ITPKB: variants seen among roughly 807,000 people sequenced by gnomAD.
ITPKB encodes inositol-trisphosphate 3-kinase B, also known as IP3 3-kinase B.
A neutral mutation model predicts 69.4 loss-of-function variants in ITPKB; 13 were observed. The observed-to-expected ratio is 0.19, with a 90% CI of 0.12 to 0.30. The LOEUF is 0.30. ITPKB is among the 10% of genes least tolerant of loss of function. ITPKB has a pLI of 1.00. For missense variants in ITPKB, 1,240 were observed against 1,250.5 expected (o/e 0.99, Z 0.13); for synonymous variants, 584 against 513.7 (o/e 1.14, Z -1.85).
At position 226,672,151 on chromosome 1, in the gene ITPKB, T is replaced by C. The variant is rs578003973; in HGVS notation, c.1933-23380A>G. ...AAACTCTCCATTTTAGACTGAGAAA[T>C]AAAAATTTTTTATCTGAGAATCCAA... On this transcript the variant is annotated intron_variant, in intron 2 of 7. Coordinates refer to ENST00000429204, the MANE Select transcript of ITPKB (RefSeq NM_002221.4). Among the ~76,000 whole-genome samples, 256 of 152,154 alleles carry C rather than the reference T, an allele frequency of 1.7e-3. 2 individuals carry two copies. The highest frequency in any genetic ancestry group is 6.0e-3 in the African/African-American group (249 of 41,500).
At chr1:226,665,249 G>A (rs1669475139) in intron 2 of ITPKB, among the ~76,000 whole-genome samples, 3 of 152,152 alleles carry the variant, frequency 2.0e-5, no homozygotes, top group South Asian at 2.1e-4. Flanking sequence ...TCACCTGCCC[G>A]GCCCCTGGTG....
chr1:226,672,796 A>G (rs528841042), intron 2 of ITPKB, among the ~76,000 whole-genome samples: 2 of 152,338 alleles, frequency 1.3e-5, no homozygotes, highest in Middle Eastern at 3.4e-3. Context: ...AGGTGTTATC[A>G]CTACATAAAT....
intron 2 of ITPKB, among the ~76,000 whole-genome samples, chr1:226,680,498 G>T (rs1656056463): frequency 6.6e-6 from 1 of 152,190 alleles, no homozygotes; most frequent in Non-Finnish European, 1.5e-5. Flanking sequence ...GGGACCAGCT[G>T]GTGAACCGAT....
chr1:226,671,738 A>C (rs930787011), intron 2 of ITPKB, among the ~76,000 whole-genome samples: 40 of 152,228 alleles, frequency 2.6e-4, no homozygotes, highest in Non-Finnish European at 4.4e-4. Context: ...AGCCATACAC[A>C]GGCAGAGGGT....
intron 2 of ITPKB, among the ~76,000 whole-genome samples, chr1:226,665,150 C>A (rs1340376098): frequency 6.6e-6 from 1 of 152,222 alleles, no homozygotes; most frequent in Admixed American, 6.5e-5. Context: ...GGCCTGTAAT[C>A]CCGGACAGCG....
chr1:226,732,346 C>T (rs150098755), intron 2 of ITPKB, among the ~76,000 whole-genome samples: 37 of 152,284 alleles, frequency 2.4e-4, no homozygotes, highest in African/African-American at 8.4e-4. Flanking sequence ...TCAAGCAATT[C>T]TCCTGCCTTA....
intron 2 of ITPKB, among the ~76,000 whole-genome samples, chr1:226,717,255 G>C (rs891210557): frequency 1.3e-5 from 2 of 152,140 alleles, no homozygotes; most frequent in East Asian, 1.9e-4. Context: ...CAAGGACATG[G>C]GCAAGTGGCC....
intron 2 of ITPKB, among the ~76,000 whole-genome samples, chr1:226,733,496 G>A (rs932442787): frequency 2.6e-5 from 4 of 152,058 alleles, no homozygotes; most frequent in African/African-American, 4.8e-5. Flanking sequence ...TTTGCTTATC[G>A]TGCAAGCACT....
At position 226,705,510 on chromosome 1, in the gene ITPKB, CAA is replaced by C. The variant is rs749098296; in HGVS notation, c.1932+30015_1932+30016del. On this transcript the variant is annotated intron_variant, in intron 2 of 7. Transcript: ENST00000429204. ...CACCATTGCATTCCAGCCTGGGCAA[CAA>C]GAGCAAAACGCCATCTCAAAAAAAA... is the stretch of plus-strand genomic sequence containing the variant. 1.9e-4 allele frequency among the ~76,000 whole-genome samples: 26 copies of C among 134,808 alleles called. 1 individual carries two copies. Among genetic ancestry groups the C allele is most frequent in the Middle Eastern group, 4.5e-3 (1 of 220 alleles). 88.4% of individuals were successfully genotyped at this position (134,808 alleles called of 152,430 possible). A position where few individuals can be genotyped will look rare whatever the true frequency, so the allele number is the denominator to read the frequency against.
Position 226,642,004 on chromosome 1 carries a change from C to A in ITPKB, c.2368G>T (p.Ala790Ser). 3.7e-6 allele frequency: 6 copies of A among 1,614,232 alleles called. No homozygotes were observed. The highest frequency in any genetic ancestry group is 5.1e-6 in the Non-Finnish European group (6 of 1,180,050). The change falls in exon 5 of 8, where the codon GCT becomes TCT. Residue 790 changes from alanine (A) to serine (S), a missense_variant. By Grantham distance (99) the Ala-to-Ser change is moderately conservative. Around this residue, in one of 2 missense-constraint regions of ITPKB, gnomAD observed 248 missense variants for 396.7 expected, o/e 0.63. Coordinates refer to ENST00000429204, the MANE Select transcript of ITPKB (RefSeq NM_002221.4). This position sits in a 1 kb window ranked among gnomAD's most constrained non-coding sequence, Gnocchi z 6.4. Reference sequence around the variant, plus strand: ...TGCATGTACCGTGGCTTGGTCACAGCCCGCTGTGCTTTTTCCTCCTCGGTG... The same window carrying A: ...TGCATGTACCGTGGCTTGGTCACAGACCGCTGTGCTTTTTCCTCCTCGGTG... ...APTEEEKAQRAVTKPRYMQWR... is the reference protein window; with the variant it reads ...APTEEEKAQRSVTKPRYMQWR...
chr1:226,635,437 G>C (rs891638683), intron 7 of ITPKB, among the ~76,000 whole-genome samples: 1 of 152,110 alleles, frequency 6.6e-6, no homozygotes, highest in Non-Finnish European at 1.5e-5. Context: ...TGTTACCCAG[G>C]CTGGTCCCAA....
chr1:226,668,873 T>G (rs1669555742), intron 2 of ITPKB: 1 of 152,214 alleles, frequency 6.6e-6, no homozygotes, highest in Admixed American at 6.5e-5. Flanking sequence ...AACTATAGTT[T>G]TTATTCATTA....
At chr1:226,727,660 G>A (rs1464914590) in intron 2 of ITPKB, among the ~76,000 whole-genome samples, 1 of 152,098 alleles carries the variant, frequency 6.6e-6, no homozygotes, top group East Asian at 1.9e-4. Context: ...CCTTTAGAAG[G>A]GCCAAGAAAG....
At chr1:226,727,546 G>T (rs1460325730) in intron 2 of ITPKB, among the ~76,000 whole-genome samples, 1 of 152,058 alleles carries the variant, frequency 6.6e-6, no homozygotes, top group Non-Finnish European at 1.5e-5. Flanking sequence ...TTAAGCACTG[G>T]TAATATAAAA....
At chr1:226,680,794 T>C (rs924770534) in intron 2 of ITPKB, among the ~76,000 whole-genome samples, 1 of 152,166 alleles carries the variant, frequency 6.6e-6, no homozygotes, top group Admixed American at 6.5e-5. Flanking sequence ...TAAAGCCCTT[T>C]TGCCTTGAAG....
intron 2 of ITPKB, among the ~76,000 whole-genome samples, chr1:226,714,116 A>G (rs1409084493): frequency 1.3e-5 from 2 of 152,168 alleles, no homozygotes; most frequent in Admixed American, 1.3e-4. Context: ...GCTGTCCCCA[A>G]ATATTTCTAG....
chr1:226,665,969 G>A (rs866375183), intron 2 of ITPKB, among the ~76,000 whole-genome samples: 2 of 152,196 alleles, frequency 1.3e-5, no homozygotes, highest in African/African-American at 4.8e-5. Context: ...GGCCTCTGGG[G>A]ATTTCACAGT....
chr1:226,635,043 G>A (rs929264879), intron 7 of ITPKB, among the ~76,000 whole-genome samples, 157 bp from the exon 8 acceptor site: 6 of 152,182 alleles, frequency 3.9e-5, no homozygotes, highest in Non-Finnish European at 8.8e-5. Context: ...CAGCAGAGCC[G>A]GCCCAAGAAT....
chr1:226,702,334 G>A (rs1484687769), intron 2 of ITPKB, among the ~76,000 whole-genome samples: 7 of 150,936 alleles, frequency 4.6e-5, no homozygotes, highest in Non-Finnish European at 8.8e-5. Flanking sequence ...GGGGGCGGAA[G>A]TTGCAGTGAG....
Sources: gnomAD v4.1 joint callset for allele counts (sites outside exome capture counted in the v4.1 genomes callset) on GRCh38, gnomAD v4.1.1 for gene constraint, gnomAD v4.1.1 regional missense constraint, Gnocchi (gnomAD v3.1) non-coding constraint, MANE v1.5 for transcripts, NCBI Gene and HGNC (gene_info 2026-07-23, HGNC 2026-07-21) for gene names.